The following SLIT2 variants were observed in gnomAD, a reference collection of about 807,000 sequenced individuals.
SLIT2 encodes slit homolog 2 protein.
In SLIT2, 41 loss-of-function variants were observed where a neutral mutation model predicts 185.7. That is an observed-to-expected ratio of 0.22 (90% CI 0.17 to 0.29). The LOEUF is 0.29. SLIT2 is among the 10% of genes least tolerant of loss of function. The pLI, the probability that SLIT2 is intolerant of heterozygous loss-of-function variation, is 1.00. For missense variants in SLIT2, 1,571 were observed against 1,909.0 expected, an observed-to-expected ratio of 0.82 and a Z score of 3.30; for synonymous variants, 693 against 680.2, an observed-to-expected ratio of 1.02 and a Z score of -0.29.
intron 4 of SLIT2, among the ~76,000 whole-genome samples, chr4:20,338,769 T>A (rs1281926922): frequency 2.0e-5 from 3 of 152,066 alleles, no homozygotes; most frequent in African/African-American, 7.2e-5. Context: ...ATACCAACAA[T>A]CTATTATTGT....
intron 4 of SLIT2, among the ~76,000 whole-genome samples, chr4:20,319,805 A>C (rs1445369174): frequency 2.9e-5 from 3 of 103,986 alleles, no homozygotes; most frequent in Admixed American, 1.1e-4. Flanking sequence ...GCACTAAAAA[A>C]CAAAACAAAA....
rs754277875 is a variant in SLIT2 at position 20,350,175 on chromosome 4, G to C, written c.395+81294G>C. Among the ~76,000 whole-genome samples the C allele has an allele frequency of 2.4e-4, 36 of 152,074 alleles. 1 individual carries two copies. The highest frequency in any genetic ancestry group is 2.9e-5 in the Non-Finnish European group (2 of 68,034). ...CTTGTTCCTTAAAACGTAACCATCT[G>C]TGGGATAGCTCAATTAATAAGCACT... On this transcript the variant is annotated intron_variant, in intron 4 of 36. Transcript: ENST00000504154.
At chr4:20,428,979 C>T (rs10026776) in intron 4 of SLIT2, among the ~76,000 whole-genome samples, 74,672 of 152,044 alleles carry the variant, frequency 0.49, 19,167 homozygotes, top group African/African-American at 0.61. Flanking sequence ...TTCCTCCATA[C>T]TCACAGAGCT....
Position 20,555,048 on chromosome 4 carries a change from T to C in SLIT2, c.2725+1080T>C, listed in dbSNP as rs542632592. On this transcript the variant is annotated intron_variant, in intron 26 of 36. Coordinates refer to ENST00000504154, the MANE Select transcript of SLIT2 (RefSeq NM_004787.4). ...CCTCCCAAAGTGCTGGGATTACAGG[T>C]GTGAGCCACCACGCCTGGCCAGATT... Among the ~76,000 whole-genome samples the C allele has an allele frequency of 2.6e-5, 4 of 151,450 alleles. No homozygotes were observed. In the South Asian group the frequency reaches 6.2e-4, roughly 24 times the overall value.
rs1334348585 is a variant in SLIT2 at position 20,617,538 on chromosome 4, G to T, written c.4236G>T (p.Leu1412=). 6.8e-6 allele frequency: 11 copies of T among 1,613,914 alleles called. No individual in the cohort carries two copies. Among genetic ancestry groups the T allele is most frequent in the African/African-American group, 1.3e-5 (1 of 74,912 alleles). ...GGVLCDEEED[L]FNPCQAIKCK... ...TCCTCTGTGATGAAGAGGAGGATCT[G>T]TTTAACCCATGCCAGGCGATCAAGT... The change falls in exon 36 of 37, where the codon CTG becomes CTT. Residue 1412 remains leucine, a synonymous_variant. Transcript: ENST00000504154.
intron 33 of SLIT2, among the ~76,000 whole-genome samples, chr4:20,606,405 C>A (rs920225048): frequency 6.6e-6 from 1 of 151,800 alleles, no homozygotes; most frequent in Non-Finnish European, 1.5e-5. Context: ...TCACTTGAGT[C>A]CAGGAGGCTG....
chr4:20,292,679 T>C (rs1432635133), intron 4 of SLIT2, among the ~76,000 whole-genome samples: 1 of 152,232 alleles, frequency 6.6e-6, no homozygotes, highest in Non-Finnish European at 1.5e-5. Flanking sequence ...TTAAAACACA[T>C]GTATTATTTC....
chr4:20,253,615 A>G lies in SLIT2; in HGVS notation c.-201A>G. ...GCCCAAGGAGCTCCTGCTCTGCCAG[A>G]GGAGGGTGGAGAGGGCGGTGGGAGG... On this transcript the variant is annotated 5_prime_UTR_variant, in exon 1 of 37. Transcript: ENST00000504154. The G allele has an allele frequency of 1.6e-6, 1 of 615,622 alleles. No individual in the cohort carries two copies. Among genetic ancestry groups the G allele is most frequent in the South Asian group, 2.0e-5 (1 of 50,318 alleles). 38.1% of individuals were successfully genotyped at this position (615,622 alleles called of 1,614,324 possible).
chr4:20,614,157 G>C (rs1729457622), intron 34 of SLIT2, among the ~76,000 whole-genome samples: 1 of 152,130 alleles, frequency 6.6e-6, no homozygotes, highest in African/African-American at 2.4e-5. Context: ...ACATGCATGA[G>C]CCACTGCGCT....
chr4:20,317,903 A>T (rs1270310309), intron 4 of SLIT2, among the ~76,000 whole-genome samples: 1 of 152,150 alleles, frequency 6.6e-6, no homozygotes, highest in Non-Finnish European at 1.5e-5. Context: ...GCAAAGGAAA[A>T]GGAATTTTAA....
chr4:20,529,144 G>T (rs777201539), intron 16 of SLIT2, 45 bp downstream of exon 16: 1 of 1,459,508 alleles, frequency 6.9e-7, no homozygotes, highest in Non-Finnish European at 9.3e-7. Flanking sequence ...TGGAGGGAAT[G>T]AAAGCATTAA....
chr4:20,266,780 G>A (rs1309985908), intron 3 of SLIT2, among the ~76,000 whole-genome samples: 1 of 151,952 alleles, frequency 6.6e-6, no homozygotes, highest in Non-Finnish European at 1.5e-5. Flanking sequence ...AGGGACTCTT[G>A]CTTATCAAAT....
intron 4 of SLIT2, among the ~76,000 whole-genome samples, chr4:20,332,307 C>T (rs1720131177): frequency 6.6e-6 from 1 of 152,154 alleles, no homozygotes; most frequent in South Asian, 2.1e-4. Context: ...GTGTTTTATT[C>T]CTGTTCTTTG....
chr4:20,596,467 T>C lies in SLIT2; in HGVS notation c.3373T>C (p.Cys1125Arg), dbSNP rs1577995425. The change falls in exon 32 of 37, where the codon TGT becomes CGT. Residue 1125 changes from cysteine (C) to arginine (R), a missense_variant. Physicochemically the swap from Cys to Arg is radical, Grantham distance 180 (BLOSUM62 -3). Around this residue, in one of 3 missense-constraint regions of SLIT2, gnomAD observed 1,202 missense variants for 1,416.4 expected, o/e 0.85. Transcript: ENST00000504154. ...PPMVLPRTSP[C>R]DNFDCQNGAQ... ...CATGGTCCTCCCTCGTACCAGCCCC[T>C]GTGATAATTTTGATTGTCAGAATGG... 6.2e-7 allele frequency: 1 copy of C among 1,614,070 alleles called. No individual in the cohort carries two copies. Among genetic ancestry groups the C allele is most frequent in the Non-Finnish European group, 8.5e-7 (1 of 1,179,946 alleles).
chr4:20,558,147 T>A (rs960060454), intron 26 of SLIT2, among the ~76,000 whole-genome samples: 1 of 152,078 alleles, frequency 6.6e-6, no homozygotes, highest in African/African-American at 2.4e-5. Flanking sequence ...ACTTAGTTGA[T>A]AACACAATGG....
At chr4:20,445,417 A>G (rs884770) in intron 4 of SLIT2, among the ~76,000 whole-genome samples, 36,369 of 152,194 alleles carry the variant, frequency 0.24, 4,724 homozygotes, top group African/African-American at 0.34. Context: ...AGGGATGCTC[A>G]TTAAAGAAGA....
chr4:20,485,064 C>G (rs1717081522), intron 6 of SLIT2, among the ~76,000 whole-genome samples: 1 of 152,136 alleles, frequency 6.6e-6, no homozygotes, highest in Admixed American at 6.6e-5. Flanking sequence ...TCTCCTACCT[C>G]CTTCAGAGGA....
chr4:20,349,806 A>G (rs1297872695), intron 4 of SLIT2, among the ~76,000 whole-genome samples: 1 of 152,204 alleles, frequency 6.6e-6, no homozygotes, highest in Non-Finnish European at 1.5e-5. Context: ...GAGGCATCTC[A>G]GCACAAAGGT....
chr4:20,517,252 G>A (rs1215077755), intron 11 of SLIT2, among the ~76,000 whole-genome samples: 1 of 152,034 alleles, frequency 6.6e-6, no homozygotes. Context: ...CTGAGACATG[G>A]GCAGATGATG....
Sources: allele counts gnomAD v4.1 joint callset (sites outside exome capture counted in the v4.1 genomes callset), GRCh38; gene constraint gnomAD v4.1.1; regional missense constraint gnomAD v4.1.1; transcripts MANE v1.5; gene names NCBI Gene and HGNC (gene_info 2026-07-23, HGNC 2026-07-21).